Variants in MTAP observed in about 807,000 individuals in gnomAD.
The protein encoded by MTAP is S-methyl-5'-thioadenosine phosphorylase.
MTAP carries 33 observed loss-of-function variants against 33.6 expected under a neutral mutation model. The observed-to-expected ratio is 0.98, with a 90% CI of 0.74 to 1.31. The LOEUF (loss-of-function observed/expected upper bound fraction) is 1.31, where lower values mean the gene tolerates loss of function less well. Ranked by LOEUF, MTAP falls within the 40% of genes most tolerant of loss-of-function variation. MTAP has a pLI of 0.00. For synonymous variants in MTAP, 148 were observed against 125.7 expected, an observed-to-expected ratio of 1.18 and a Z score of -1.19; for missense variants, 367 against 360.0, an observed-to-expected ratio of 1.02 and a Z score of -0.16.
Position 21,862,352 on chromosome 9 carries a change from G to A in MTAP, c.*338G>A, listed in dbSNP as rs1825771380. The A allele has an allele frequency of 4.9e-6, 1 of 204,450 alleles. No homozygotes were observed. The highest frequency in any genetic ancestry group is 2.3e-5 in the African/African-American group (1 of 43,052). 12.7% of individuals were successfully genotyped at this position (204,450 alleles called of 1,614,324 possible). A position where few individuals can be genotyped will look rare whatever the true frequency, so the allele number is the denominator to read the frequency against. On this transcript the variant is annotated 3_prime_UTR_variant, in exon 8 of 8. Coordinates refer to ENST00000644715, the MANE Select transcript of MTAP (RefSeq NM_002451.4). ...ATCTCTACTTTCCTATACTGCCAAA[G>A]AATGTGAGGAAGAAATGGGACTCTT... is the stretch of plus-strand genomic sequence containing the variant.
At chr9:21,882,492 T>C (rs968459161) in intron 1 of MTAP, among the ~76,000 whole-genome samples, 1 of 152,064 alleles carries the variant, frequency 6.6e-6, no homozygotes, top group African/African-American at 2.4e-5. Context: ...CTGATCTATG[T>C]ATTCAACACA....
chr9:21,855,366 C>T (rs1227359700), intron 6 of MTAP, among the ~76,000 whole-genome samples: 1 of 152,184 alleles, frequency 6.6e-6, no homozygotes. Flanking sequence ...AGAAGTTAAG[C>T]AAACCAATAT....
intron 5 of MTAP, 99 bp downstream of exon 5, chr9:21,838,109 T>A: frequency 1.1e-6 from 1 of 887,708 alleles, no homozygotes; most frequent in Non-Finnish European, 1.8e-6. Flanking sequence ...CCCCATACCC[T>A]CACTCAAGTT....
intron 5 of MTAP, among the ~76,000 whole-genome samples, chr9:21,853,508 T>C (rs533724296): frequency 6.6e-6 from 1 of 152,358 alleles, no homozygotes; most frequent in South Asian, 2.1e-4. Context: ...TAGTGTAAGT[T>C]ATTTTTTAAG....
intron 4 of MTAP, among the ~76,000 whole-genome samples, chr9:21,831,441 A>G (rs947550771): frequency 6.6e-6 from 1 of 151,896 alleles, no homozygotes; most frequent in Non-Finnish European, 1.5e-5. Context: ...GGCTTAAGCA[A>G]TCCTCAGCCC....
chr9:21,906,211 A>T (rs964118997), intron 1 of MTAP, among the ~76,000 whole-genome samples: 1 of 152,238 alleles, frequency 6.6e-6, no homozygotes, highest in South Asian at 2.1e-4. Context: ...GAAGAGATAG[A>T]ATTATCAGCT....
Position 21,863,368 on chromosome 9 carries a change from G to A in MTAP, c.*1354G>A. 1 of 927,342 alleles carries A rather than the reference G, an allele frequency of 1.1e-6. No individual in the cohort carries two copies. The highest frequency in any genetic ancestry group is 1.2e-4 in the East Asian group (1 of 8,560). 57.4% of individuals were successfully genotyped at this position (927,342 alleles called of 1,614,324 possible). On this transcript the variant is annotated 3_prime_UTR_variant, in exon 8 of 8. Transcript: ENST00000644715. ...CATCCATGTAATCCCAGCACTGTGG[G>A]AGGCCGAGACGGGTGGATCACAAGG...
At position 21,859,505 on chromosome 9, in the gene MTAP, T is replaced by A; in HGVS notation, c.813+80T>A. 1.4e-6 allele frequency: 2 copies of A among 1,470,872 alleles called. 1 individual carries two copies. The highest frequency in any genetic ancestry group is 2.8e-5 in the South Asian group (2 of 70,218). 91.1% of individuals were successfully genotyped at this position (1,470,872 alleles called of 1,614,324 possible). The stretch of plus-strand genomic sequence containing the variant: ...TTTCTTACTTGCATTTCACCTTTGG[T>A]CCTCATGTATTTTATGCCAGCCTAG... On this transcript the variant is annotated intron_variant, in intron 7 of 7. Transcript: ENST00000644715.
At chr9:21,834,606 A>G (rs925988796) in intron 4 of MTAP, among the ~76,000 whole-genome samples, 5 of 152,282 alleles carry the variant, frequency 3.3e-5, no homozygotes, top group Admixed American at 6.5e-5. Flanking sequence ...AGAGCCAGCA[A>G]TGGCAATGGA....
At chr9:21,831,949 A>G (rs1022239393) in intron 4 of MTAP, among the ~76,000 whole-genome samples, 1 of 152,216 alleles carries the variant, frequency 6.6e-6, no homozygotes, top group African/African-American at 2.4e-5. Flanking sequence ...CAAAGAATGC[A>G]GTGGAAGAAT....
chr9:21,930,084 A>T (rs991699778), intron 1 of MTAP: 3 of 466,096 alleles, frequency 6.4e-6, no homozygotes, highest in African/African-American at 5.9e-5. Context: ...TTCCAGCCTG[A>T]TGATTATAAC....
At chr9:21,840,426 A>G (rs1190163587) in intron 5 of MTAP, among the ~76,000 whole-genome samples, 1 of 152,236 alleles carries the variant, frequency 6.6e-6, no homozygotes, top group Non-Finnish European at 1.5e-5. Flanking sequence ...CTGAGTTCCC[A>G]AAGTGTGAGT....
chr9:21,807,610 C>T (rs1364211006), intron 1 of MTAP, among the ~76,000 whole-genome samples: 1 of 152,156 alleles, frequency 6.6e-6, no homozygotes, highest in African/African-American at 2.4e-5. Context: ...GCCCTGTTTC[C>T]AGATACCCCC....
In MTAP at chr9:21,863,436, T is replaced by C; in HGVS notation, c.*1422T>C. On this transcript the variant is annotated 3_prime_UTR_variant, in exon 8 of 8. Coordinates refer to ENST00000644715, the MANE Select transcript of MTAP (RefSeq NM_002451.4). ...TCCTGGCTAATGCGTTGAAACTCCG[T>C]CTCTACTAAAAATACAAAAAATTAG... The C allele has an allele frequency of 1.6e-6, 1 of 630,930 alleles. No homozygotes were observed. Among genetic ancestry groups the C allele is most frequent in the Non-Finnish European group, 2.0e-6 (1 of 506,210 alleles). The allele number at this position is 630,930 out of a possible 1,614,324, so 39.1% of individuals were successfully genotyped here.
intron 1 of MTAP, among the ~76,000 whole-genome samples, chr9:21,903,526 A>G (rs1225525355): frequency 1.3e-5 from 2 of 151,892 alleles, no homozygotes; most frequent in Non-Finnish European, 2.9e-5. Context: ...CATTAAAACC[A>G]CTTCTCTGGG....
chr9:21,921,229 G>A (rs191771729), intron 1 of MTAP, among the ~76,000 whole-genome samples: 1 of 151,634 alleles, frequency 6.6e-6, no homozygotes, highest in African/African-American at 2.4e-5. Flanking sequence ...ATGATTCTTT[G>A]TATTTCTGTG....
intron 4 of MTAP, among the ~76,000 whole-genome samples, chr9:21,831,353 T>C (rs1824962029): frequency 6.6e-6 from 1 of 152,208 alleles, no homozygotes; most frequent in African/African-American, 2.4e-5. Context: ...TTGTTGTTTT[T>C]TTAGATAGGA....
intron 1 of MTAP, chr9:21,930,659 G>T: frequency 2.0e-6 from 1 of 488,686 alleles, no homozygotes; most frequent in Non-Finnish European, 3.6e-6. Flanking sequence ...CTCAACCATG[G>T]CCAGAGCAAA....
In MTAP at chr9:21,862,272, A is replaced by AC. The variant is rs1012071118; in HGVS notation, c.*261dup. ...ATTACATTTTAAGGGGGAAAAAAAA[A>AC]CCCACCATTCTCTTCTCCCCCTATT... is the stretch of plus-strand genomic sequence containing the variant. On this transcript the variant is annotated 3_prime_UTR_variant, in exon 8 of 8. Transcript: ENST00000644715. The AC allele has an allele frequency of 3.9e-4, 297 of 759,684 alleles. No homozygotes were observed. Among genetic ancestry groups the AC allele is most frequent in the Middle Eastern group, 1.7e-3 (4 of 2,368 alleles). 47.1% of individuals were successfully genotyped at this position (759,684 alleles called of 1,614,324 possible).
Sources: allele counts gnomAD v4.1 joint callset (sites outside exome capture counted in the v4.1 genomes callset), GRCh38; gene constraint gnomAD v4.1.1; transcripts MANE v1.5; gene names NCBI Gene and HGNC (gene_info 2026-07-23, HGNC 2026-07-21).